The following ANKS1B variants were observed in gnomAD, a reference collection of about 807,000 sequenced individuals.
ANKS1B encodes ankyrin repeat and sterile alpha motif domain-containing protein 1B.
ANKS1B carries 36 observed loss-of-function variants against 148.3 expected under a neutral mutation model. That is an observed-to-expected ratio of 0.24 (90% CI 0.19 to 0.32). The LOEUF is 0.32. Among genes scored for constraint, ANKS1B ranks in the 10% least tolerant of loss-of-function variants. The probability of loss-of-function intolerance (pLI) is 1.00; values close to 1 mark genes in which losing one functional copy is unlikely to be tolerated. For synonymous variants in ANKS1B, 542 were observed against 560.8 expected (o/e 0.97, Z 0.47); for missense variants, 1,157 against 1,542.6 (o/e 0.75, Z 4.19).
chr12:98,907,903 G>A (rs1411574557), intron 17 of ANKS1B, among the ~76,000 whole-genome samples: 1 of 152,172 alleles, frequency 6.6e-6, no homozygotes, highest in Admixed American at 6.5e-5. Flanking sequence ...TGTAAGATGT[G>A]CCTTTGCTTC....
chr12:99,303,394 C>T (rs1208704213), intron 12 of ANKS1B, among the ~76,000 whole-genome samples: 1 of 151,964 alleles, frequency 6.6e-6, no homozygotes, highest in Admixed American at 6.6e-5. Flanking sequence ...CCAATCAATC[C>T]ATCAATCATT....
At chr12:99,883,608 AC>A (rs1779114784) in intron 1 of ANKS1B, among the ~76,000 whole-genome samples, 1 of 131,146 alleles carries the variant, frequency 7.6e-6, no homozygotes, top group African/African-American at 3.0e-5. Context: ...CAAGGCATAG[AC>A]TTGGGGCAGG....
intron 14 of ANKS1B, among the ~76,000 whole-genome samples, chr12:99,234,023 T>C (rs1039015422): frequency 2.0e-5 from 3 of 152,118 alleles, no homozygotes; most frequent in African/African-American, 7.2e-5. Flanking sequence ...TTCATCTCCA[T>C]TGCTTAAGAT....
At chr12:99,938,046 T>C (rs1566039335) in intron 1 of ANKS1B, among the ~76,000 whole-genome samples, 1 of 152,196 alleles carries the variant, frequency 6.6e-6, no homozygotes, top group Non-Finnish European at 1.5e-5. Flanking sequence ...CCCTTGAGTA[T>C]GGGCAGGACC....
intron 12 of ANKS1B, among the ~76,000 whole-genome samples, chr12:99,269,865 C>T (rs1158168950): frequency 6.6e-6 from 1 of 152,078 alleles, no homozygotes; most frequent in Non-Finnish European, 1.5e-5. Flanking sequence ...GGCCGACTTG[C>T]TCATTATTTT....
intron 12 of ANKS1B, among the ~76,000 whole-genome samples, chr12:99,291,093 C>A (rs753723659): frequency 1.3e-5 from 2 of 151,952 alleles, no homozygotes; most frequent in African/African-American, 4.8e-5. Flanking sequence ...TTTCTATATG[C>A]CAACAGCAAA....
At chr12:99,070,249 T>C (rs2045839784) in intron 16 of ANKS1B, among the ~76,000 whole-genome samples, 1 of 152,040 alleles carries the variant, frequency 6.6e-6, no homozygotes. Context: ...AGCCAAAGGA[T>C]AGGTGGAAGG....
At chr12:99,611,451 T>C (rs2097901983) in intron 9 of ANKS1B, among the ~76,000 whole-genome samples, 3 of 152,126 alleles carry the variant, frequency 2.0e-5, no homozygotes. Context: ...ATATACATTT[T>C]GAGCATATCC....
At chr12:99,102,088 T>C (rs1387533115) in intron 15 of ANKS1B, among the ~76,000 whole-genome samples, 1 of 151,960 alleles carries the variant, frequency 6.6e-6, no homozygotes, top group African/African-American at 2.4e-5. Context: ...ATGAAGTTAA[T>C]GAGGAAAAGA....
intron 12 of ANKS1B, among the ~76,000 whole-genome samples, chr12:99,353,819 G>T (rs2091701350): frequency 6.6e-6 from 1 of 151,918 alleles, no homozygotes. Flanking sequence ...ATTTCTGTGT[G>T]ATGTACTCAC....
intron 16 of ANKS1B, among the ~76,000 whole-genome samples, chr12:99,064,631 C>A (rs1229503812): frequency 1.3e-5 from 2 of 152,212 alleles, no homozygotes; most frequent in East Asian, 3.8e-4. Flanking sequence ...TGTGTGAGAG[C>A]TACTAGTCAG....
rs550313232 is a variant in ANKS1B, at chr12:99,045,833, A to G, written c.2778+7324T>C. 3.9e-5 allele frequency among the ~76,000 whole-genome samples: 6 copies of G among 152,270 alleles called. No individual in the cohort carries two copies. The East Asian group carries it at 1.2e-3, about 30-fold the overall frequency. The stretch of plus-strand genomic sequence containing the variant: ...TGAGAGAATTTCTAGGCCATGCAGC[A>G]GAAAGGAAGAATTCAGAAGGAGTCT... On this transcript the variant is annotated intron_variant, in intron 17 of 26. Coordinates refer to ENST00000683438, the MANE Select transcript of ANKS1B (RefSeq NM_001352186.2).
chr12:99,946,535 C>G (rs1177159976), intron 1 of ANKS1B, among the ~76,000 whole-genome samples: 1 of 152,086 alleles, frequency 6.6e-6, no homozygotes, highest in Non-Finnish European at 1.5e-5. Context: ...TCATCTAAAC[C>G]TAATTATATC....
chr12:99,223,051 A>G (rs2085360211), intron 14 of ANKS1B, among the ~76,000 whole-genome samples: 2 of 152,226 alleles, frequency 1.3e-5, no homozygotes, highest in Admixed American at 1.3e-4. Context: ...GTTTTCTTTT[A>G]AAGTATGTTT....
rs143182836 is a variant in ANKS1B, at chr12:99,225,498, T to C, written c.2419+18844A>G. Among the ~76,000 whole-genome samples, 1,194 of 152,280 alleles carry C rather than the reference T, an allele frequency of 7.8e-3. 19 individuals carry two copies. Among genetic ancestry groups the C allele is most frequent in the African/African-American group, 0.028 (1,146 of 41,558 alleles). On this transcript the variant is annotated intron_variant, in intron 14 of 26. Coordinates refer to ENST00000683438, the MANE Select transcript of ANKS1B (RefSeq NM_001352186.2). ...GTTTCTGGGTGTCTCCGTGAGGGTG[T>C]TGCCAAAGGAGAGTAACATTTGAGT...
chr12:99,102,234 A>G (rs1453444847), intron 15 of ANKS1B, among the ~76,000 whole-genome samples: 1 of 152,148 alleles, frequency 6.6e-6, no homozygotes, highest in Non-Finnish European at 1.5e-5. Context: ...ACAGCAGCTC[A>G]TGAGGACCCC....
chr12:99,279,801 C>T (rs974305655), intron 12 of ANKS1B, among the ~76,000 whole-genome samples: 1 of 151,924 alleles, frequency 6.6e-6, no homozygotes, highest in Admixed American at 6.6e-5. Flanking sequence ...ATCACTTGAA[C>T]CCAGGAGTTC....
intron 9 of ANKS1B, among the ~76,000 whole-genome samples, chr12:98,736,786 T>A (rs868164342): frequency 6.6e-6 from 1 of 152,226 alleles, no homozygotes; most frequent in Admixed American, 6.5e-5. Flanking sequence ...GTACAGTGAA[T>A]GCAGCAGGCA....
chr12:99,737,549 C>G (rs1177480509), intron 8 of ANKS1B, among the ~76,000 whole-genome samples: 1 of 151,940 alleles, frequency 6.6e-6, no homozygotes, highest in Non-Finnish European at 1.5e-5. Flanking sequence ...TGCTTAAAAC[C>G]CTTCAGTGGG....
Sources: allele counts gnomAD v4.1 joint callset (sites outside exome capture counted in the v4.1 genomes callset), GRCh38; gene constraint gnomAD v4.1.1; transcripts MANE v1.5; gene names NCBI Gene and HGNC (gene_info 2026-07-23, HGNC 2026-07-21).